The following PRR11 variants were observed in gnomAD, a reference collection of about 807,000 sequenced individuals.
PRR11 encodes proline rich 11, also known as proline-rich protein 11.
Under a neutral mutation model 45.6 loss-of-function variants are expected in PRR11, and 30 were observed. The observed-to-expected ratio is 0.66, with a 90% CI of 0.49 to 0.89. PRR11 has a LOEUF of 0.89. Ranked by LOEUF, PRR11 falls within the 40% of genes least tolerant of loss-of-function variation. The probability of loss-of-function intolerance (pLI) is 0.00; values close to 1 mark genes in which losing one functional copy is unlikely to be tolerated. For synonymous variants in PRR11, 128 were observed against 153.5 expected (o/e 0.83, Z 1.23); for missense variants, 373 against 424.8 (o/e 0.88, Z 1.07).
chr17:59,172,632 G>A (rs967413252), intron 2 of PRR11, among the ~76,000 whole-genome samples: 31 of 152,210 alleles, frequency 2.0e-4, no homozygotes, highest in African/African-American at 6.8e-4. Flanking sequence ...CGGCTGCCCC[G>A]GCCAGCCCGG....
intron 4 of PRR11, among the ~76,000 whole-genome samples, chr17:59,188,884 G>A (rs1010622159): frequency 2.6e-5 from 4 of 151,784 alleles, no homozygotes; most frequent in Admixed American, 2.6e-4. Context: ...AGGTTGCAGT[G>A]AGCTGAGATC....
At position 59,197,791 on chromosome 17, in the gene PRR11, T is replaced by C; in HGVS notation, c.1014+2T>C. On this transcript the variant is annotated splice_donor_variant, in intron 9 of 9. Coordinates refer to ENST00000262293, the MANE Select transcript of PRR11 (RefSeq NM_018304.4). LOFTEE classifies it high-confidence loss of function. ...CAGGCCTTAAGGAGAAAGTTTCAGG[T>C]AACCCTTTAGGAAAAGAATATTGGT... The C allele has an allele frequency of 6.2e-7, 1 of 1,611,142 alleles. No homozygotes were observed. Among genetic ancestry groups the C allele is most frequent in the Non-Finnish European group, 8.5e-7 (1 of 1,177,686 alleles).
At position 59,183,806 on chromosome 17, in the gene PRR11, G is replaced by A. The variant is rs1007248253; in HGVS notation, c.129-1248G>A. 2.6e-4 allele frequency among the ~76,000 whole-genome samples: 40 copies of A among 152,132 alleles called. 1 individual carries two copies. The highest frequency in any genetic ancestry group is 3.4e-4 in the Non-Finnish European group (23 of 68,026). On this transcript the variant is annotated intron_variant, in intron 2 of 9. Coordinates refer to ENST00000262293, the MANE Select transcript of PRR11 (RefSeq NM_018304.4). ...ATCGCATGTACAAAAAGACTAAGTCGAAAAATCTCAGCTGTGCACAGTGGC... is the reference window on the plus strand; with the variant it reads ...ATCGCATGTACAAAAAGACTAAGTCAAAAAATCTCAGCTGTGCACAGTGGC...
intron 1 of PRR11, among the ~76,000 whole-genome samples, chr17:59,167,662 G>A (rs530098936): frequency 6.6e-6 from 1 of 152,242 alleles, no homozygotes; most frequent in South Asian, 2.1e-4. Flanking sequence ...GGAAAGGGTG[G>A]GGATTTCCCA....
chr17:59,206,492 T>C lies in PRR11; in HGVS notation c.*4861T>C, dbSNP rs2046918761. Among the ~76,000 whole-genome samples, 2 of 152,182 alleles carry C rather than the reference T, an allele frequency of 1.3e-5. No individual in the cohort carries two copies. Among genetic ancestry groups the C allele is most frequent in the Admixed American group, 1.3e-4 (2 of 15,276 alleles). ...GCCATTGTACCAGTGTTAAAATGTGTTCTACCTTGCATCTTTTACTGATTT... is the reference window on the plus strand; with the variant it reads ...GCCATTGTACCAGTGTTAAAATGTGCTCTACCTTGCATCTTTTACTGATTT... On this transcript the variant is annotated 3_prime_UTR_variant, in exon 10 of 10. Coordinates refer to ENST00000262293, the MANE Select transcript of PRR11 (RefSeq NM_018304.4).
rs552842481 is a variant in PRR11, at chr17:59,172,112, T to G, written c.128+2232T>G. Among the ~76,000 whole-genome samples the G allele has an allele frequency of 2.0e-5, 3 of 152,342 alleles. No homozygotes were observed. The East Asian group carries it at 5.8e-4, about 29-fold the overall frequency. ...AATAAATGCATAGTGTGTATGAAGC[T>G]ATCTGTTACAGTCTATGGCACTCAT... On this transcript the variant is annotated intron_variant, in intron 2 of 9. Coordinates refer to ENST00000262293, the MANE Select transcript of PRR11 (RefSeq NM_018304.4).
At chr17:59,177,756 C>T (rs2147843524) in intron 2 of PRR11, among the ~76,000 whole-genome samples, 1 of 152,294 alleles carries the variant, frequency 6.6e-6, no homozygotes, top group East Asian at 1.9e-4. Flanking sequence ...CAGCTCAAGC[C>T]TGTGATCCCA....
intron 2 of PRR11, among the ~76,000 whole-genome samples, chr17:59,180,501 T>TTTTTTTTG (rs1555716474): frequency 2.5e-4 from 29 of 116,210 alleles, no homozygotes; most frequent in South Asian, 9.3e-4. Context: ...TCCTTGTTTT[T>TTTTTTTTG]TTTTTTTTGT....
chr17:59,179,850 C>A (rs374282562), intron 2 of PRR11: 2 of 1,345,676 alleles, frequency 1.5e-6, no homozygotes, highest in Admixed American at 1.7e-5. Context: ...CAAAGGGACC[C>A]ACACAGGGGG....
chr17:59,163,472 C>T (rs1322161705), intron 1 of PRR11: 1 of 152,194 alleles, frequency 6.6e-6, no homozygotes, highest in East Asian at 1.9e-4. Context: ...TTTTTCCTAG[C>T]TATTTTTTAT....
chr17:59,162,726 CTTTT>C (rs34124387), intron 1 of PRR11, among the ~76,000 whole-genome samples: 2 of 117,346 alleles, frequency 1.7e-5, no homozygotes, highest in African/African-American at 3.4e-5. Context: ...CTTTCTCTCC[CTTTT>C]TTTTTTTTTT....
intron 1 of PRR11, among the ~76,000 whole-genome samples, chr17:59,162,831 C>T (rs545738562): frequency 3.5e-5 from 5 of 144,056 alleles, no homozygotes; most frequent in East Asian, 2.2e-4. Context: ...TGGGTTCAAA[C>T]GATTCTTCTG....
At position 59,201,727 on chromosome 17, in the gene PRR11, T is replaced by C; in HGVS notation, c.*96T>C. The C allele has an allele frequency of 7.6e-7, 1 of 1,321,602 alleles. No homozygotes were observed. 81.9% of individuals were successfully genotyped at this position (1,321,602 alleles called of 1,614,324 possible). A position where few individuals can be genotyped will look rare whatever the true frequency, so the allele number is the denominator to read the frequency against. ...GGCTCACACCTGTAATCCCAGCACTTTGGGAGGCTGAGGCAGGTGGATCAC... is the reference window on the plus strand; with the variant it reads ...GGCTCACACCTGTAATCCCAGCACTCTGGGAGGCTGAGGCAGGTGGATCAC... On this transcript the variant is annotated 3_prime_UTR_variant, in exon 10 of 10. Coordinates refer to ENST00000262293, the MANE Select transcript of PRR11 (RefSeq NM_018304.4).
intron 4 of PRR11, among the ~76,000 whole-genome samples, chr17:59,186,677 G>A (rs2046815963): frequency 6.6e-6 from 1 of 152,112 alleles, no homozygotes; most frequent in Non-Finnish European, 1.5e-5. Flanking sequence ...TTGCAGGCGT[G>A]AGCCATGGCA....
At chr17:59,160,785 G>A (rs553813220) in intron 1 of PRR11, 1 of 152,238 alleles carries the variant, frequency 6.6e-6, no homozygotes, top group Admixed American at 6.5e-5. Flanking sequence ...CCAGGCTGGA[G>A]TACAGTGGCG....
At chr17:59,168,570 G>A (rs911603066) in intron 1 of PRR11, among the ~76,000 whole-genome samples, 1 of 151,892 alleles carries the variant, frequency 6.6e-6, no homozygotes, top group Admixed American at 6.6e-5. Flanking sequence ...TGTGCCTGTG[G>A]TCCCAGCTAC....
intron 2 of PRR11, chr17:59,177,159 A>G: frequency 1.8e-6 from 1 of 550,698 alleles, no homozygotes; most frequent in Admixed American, 1.9e-5. Context: ...GGAGGAAGCA[A>G]ACCACTCACA....
At chr17:59,178,486 C>T (rs2046761811) in intron 2 of PRR11, 3 of 522,152 alleles carry the variant, frequency 5.7e-6, no homozygotes, top group Non-Finnish European at 3.8e-6. Flanking sequence ...GTCTGACAAC[C>T]TCAAATCTTT....
chr17:59,191,220 CTTT>C (rs60012514), intron 4 of PRR11, among the ~76,000 whole-genome samples: 26 of 98,164 alleles, frequency 2.6e-4, no homozygotes, highest in Middle Eastern at 4.7e-3. Flanking sequence ...TTCTTTTTTT[CTTT>C]TTTTTTTTTT....
Sources: gnomAD v4.1 joint callset for allele counts (sites outside exome capture counted in the v4.1 genomes callset) on GRCh38, gnomAD v4.1.1 for gene constraint, MANE v1.5 for transcripts, NCBI Gene and HGNC (gene_info 2026-07-23, HGNC 2026-07-21) for gene names.